ZC4H2: variants seen among roughly 807,000 people sequenced by gnomAD.
The protein encoded by ZC4H2 is zinc finger C4H2-type containing.
For synonymous variants in ZC4H2, 84 were observed against 66.3 expected, an observed-to-expected ratio of 1.27 and a Z score of -1.30; for missense variants, 137 against 173.9, an observed-to-expected ratio of 0.79 and a Z score of 1.19.
At chrX:64,954,459 A>AT (rs1931073245) in intron 1 of ZC4H2, among the ~76,000 whole-genome samples, 1 of 94,696 alleles carries the variant, frequency 1.1e-5, no homozygotes, top group African/African-American at 4.3e-5. Context: ...GCTTGCTATT[A>AT]ATCATTATTA....
chrX:64,995,601 C>A (rs1245453389), intron 1 of ZC4H2, among the ~76,000 whole-genome samples: 2 of 112,555 alleles, frequency 1.8e-5, no homozygotes, highest in Non-Finnish European at 3.8e-5. Context: ...CTCAAGCCAT[C>A]CACCTGCCTT....
chrX:65,022,900 C>T (rs1213271835), intron 1 of ZC4H2, among the ~76,000 whole-genome samples: 1 of 111,668 alleles, frequency 9.0e-6, no homozygotes, highest in African/African-American at 3.3e-5. Flanking sequence ...CAATGCCATC[C>T]CCATCAAACT....
At chrX:64,984,660 G>C (rs1244205097) in intron 1 of ZC4H2, among the ~76,000 whole-genome samples, 1 of 111,509 alleles carries the variant, frequency 9.0e-6, no homozygotes, top group Non-Finnish European at 1.9e-5. Flanking sequence ...AACTGGGGAG[G>C]CTAGCAATCT....
intron 1 of ZC4H2, among the ~76,000 whole-genome samples, chrX:64,956,479 GA>G (rs1175917321): frequency 3.6e-5 from 4 of 110,987 alleles, no homozygotes; most frequent in Non-Finnish European, 7.6e-5. Context: ...GACAAGAGCT[GA>G]AAAAAATATG....
At chrX:64,953,555 T>C (rs771218052) in intron 1 of ZC4H2, among the ~76,000 whole-genome samples, 2 of 112,078 alleles carry the variant, frequency 1.8e-5, no homozygotes, top group African/African-American at 6.5e-5. Context: ...TATGCAGCCA[T>C]AAGTCACATG....
At chrX:64,930,103 A>G (rs1263307754) in intron 1 of ZC4H2, among the ~76,000 whole-genome samples, 1 of 110,354 alleles carries the variant, frequency 9.1e-6, no homozygotes, top group Non-Finnish European at 1.9e-5. Context: ...TTATTTCTAA[A>G]TATCTTATTA....
rs185545410 is a variant in ZC4H2 at position 64,969,599 on chromosome X, C to T, written c.53+6726G>A. ...TGCAGTTGTTCTCCACATGTAGTCC[C>T]TGCACCACCAGCAGCAGCATTGCCT... On this transcript the variant is annotated intron_variant, in intron 1 of 4. Coordinates refer to ENST00000374839, the MANE Select transcript of ZC4H2 (RefSeq NM_018684.4). Among the ~76,000 whole-genome samples the T allele has an allele frequency of 1.1e-4, 12 of 111,993 alleles. No individual in the cohort carries two copies. The East Asian group carries it at 3.4e-3, about 32-fold the overall frequency.
At chrX:65,028,164 C>G (rs1932898788) in intron 1 of ZC4H2, among the ~76,000 whole-genome samples, 1 of 111,177 alleles carries the variant, frequency 9.0e-6, no homozygotes, top group African/African-American at 3.3e-5. Flanking sequence ...GTCTAGCCAG[C>G]TATCTAGCTA....
rs183967100 is a variant in ZC4H2, at chrX:64,937,753, G to A, written c.54-15765C>T. Among the ~76,000 whole-genome samples the A allele has an allele frequency of 5.1e-3, 563 of 111,330 alleles. 2 individuals carry two copies. Among genetic ancestry groups the A allele is most frequent in the African/African-American group, 0.017 (519 of 30,644 alleles). ...AAACCAATGAGAACAGAGATACAACGTACCAGGATCTCTGGGACACAATTA... is the reference window on the plus strand; with the variant it reads ...AAACCAATGAGAACAGAGATACAACATACCAGGATCTCTGGGACACAATTA... On this transcript the variant is annotated intron_variant, in intron 1 of 4. Transcript: ENST00000374839.
chrX:65,023,967 G>T (rs1932856260), intron 1 of ZC4H2, among the ~76,000 whole-genome samples: 1 of 111,460 alleles, frequency 9.0e-6, no homozygotes, highest in Non-Finnish European at 1.9e-5. Flanking sequence ...GGACACGGAT[G>T]AATTTGTAAA....
rs554811111 is a variant in ZC4H2, at chrX:64,928,892, C to CTT, written c.54-6906_54-6905dup. On this transcript the variant is annotated intron_variant, in intron 1 of 4. Transcript: ENST00000374839. ...TCCTTCTTTTCTTCTCTTTCTCCTTCTTTTTTTTTTTTTTGAAGCACAGTC... is the reference window on the plus strand; with the variant it reads ...TCCTTCTTTTCTTCTCTTTCTCCTTCTTTTTTTTTTTTTTTTGAAGCACAGTC... 8.4e-4 allele frequency among the ~76,000 whole-genome samples: 77 copies of CTT among 91,670 alleles called. 1 individual carries two copies. Among genetic ancestry groups the CTT allele is most frequent in the African/African-American group, 3.1e-3 (75 of 23,970 alleles). 79.6% of individuals were successfully genotyped at this position (91,670 alleles called of 115,157 possible). A position where few individuals can be genotyped will look rare whatever the true frequency, so the allele number is the denominator to read the frequency against.
At chrX:64,974,624 T>C (rs1358294653) in intron 1 of ZC4H2, among the ~76,000 whole-genome samples, 1 of 111,702 alleles carries the variant, frequency 9.0e-6, no homozygotes, top group Non-Finnish European at 1.9e-5. Flanking sequence ...GAAGGGCTGT[T>C]TGTTACTGCT....
At chrX:64,991,754 C>G (rs1932313600) in intron 1 of ZC4H2, among the ~76,000 whole-genome samples, 1 of 111,561 alleles carries the variant, frequency 9.0e-6, no homozygotes, top group South Asian at 3.8e-4. Flanking sequence ...CTTAAGAGCC[C>G]AAAAAGTAGA....
intron 1 of ZC4H2, among the ~76,000 whole-genome samples, chrX:64,930,569 T>C (rs969503434): frequency 8.9e-6 from 1 of 111,976 alleles, no homozygotes; most frequent in Non-Finnish European, 1.9e-5. Flanking sequence ...GTGAGTGTTT[T>C]TATAAAAAAG....
chrX:65,000,316 T>C (rs1304432138), intron 1 of ZC4H2, among the ~76,000 whole-genome samples: 3 of 111,430 alleles, frequency 2.7e-5, no homozygotes, highest in Non-Finnish European at 3.8e-5. Flanking sequence ...CTGGAGTGGA[T>C]CTCCAGCAAA....
At chrX:64,947,373 A>G in intron 1 of ZC4H2, among the ~76,000 whole-genome samples, 1 of 111,747 alleles carries the variant, frequency 8.9e-6, no homozygotes, top group Admixed American at 9.6e-5. Flanking sequence ...TGATGGTTCT[A>G]TATCCTTGAT....
At chrX:64,999,127 G>T (rs1019641833) in intron 1 of ZC4H2, among the ~76,000 whole-genome samples, 1 of 91,101 alleles carries the variant, frequency 1.1e-5, no homozygotes, top group Admixed American at 1.4e-4. Flanking sequence ...TGCATTTAAA[G>T]TAATTACTGG....
intron 1 of ZC4H2, among the ~76,000 whole-genome samples, chrX:64,997,553 A>G (rs1932441361): frequency 8.9e-6 from 1 of 112,862 alleles, no homozygotes; most frequent in Admixed American, 9.3e-5. Context: ...TTGGTCACAC[A>G]ATATACATAG....
At chrX:64,978,230 G>A (rs1932006967), upstream of ZC4H2, among the ~76,000 whole-genome samples, 1 of 111,972 alleles carries the variant, frequency 8.9e-6, no homozygotes, top group Admixed American at 9.4e-5. Flanking sequence ...TGAATCTCAT[G>A]TCATTCTGGA....
Sources: gnomAD v4.1 joint callset for allele counts (sites outside exome capture counted in the v4.1 genomes callset) on GRCh38, gnomAD v4.1.1 for gene constraint, MANE v1.5 for transcripts, NCBI Gene and HGNC (gene_info 2026-07-23, HGNC 2026-07-21) for gene names.